The following CCT4 variants were observed in gnomAD, a reference collection of about 807,000 sequenced individuals.
The protein encoded by CCT4 is T-complex protein 1 subunit delta.
Under a neutral mutation model 62.5 loss-of-function variants are expected in CCT4, and 17 were observed. The ratio of observed to expected loss-of-function variants is 0.27; its 90% CI spans 0.19 to 0.41. The LOEUF is 0.41. Among genes scored for constraint, CCT4 ranks in the 10% least tolerant of loss-of-function variants. The pLI, the probability that CCT4 is intolerant of heterozygous loss-of-function variation, is 1.00. For missense variants in CCT4, 592 were observed against 659.2 expected (o/e 0.90, Z 1.12); for synonymous variants, 250 against 229.9 (o/e 1.09, Z -0.79).
At chr2:61,877,838 G>C (rs575464121) in intron 5 of CCT4, among the ~76,000 whole-genome samples, 10 of 152,290 alleles carry the variant, frequency 6.6e-5, no homozygotes, top group African/African-American at 9.6e-5. Flanking sequence ...ATGAATGTGT[G>C]ATGAGGCATC....
rs370269086 is a variant in CCT4 at position 61,869,768 on chromosome 2, T to C, written c.1492-215A>G. 5.3e-5 allele frequency among the ~76,000 whole-genome samples: 8 copies of C among 151,832 alleles called. No individual in the cohort carries two copies. The South Asian group carries it at 1.7e-3, about 32-fold the overall frequency. On this transcript the variant is annotated intron_variant, in intron 12 of 13. Coordinates refer to ENST00000394440, the MANE Select transcript of CCT4 (RefSeq NM_006430.4). Reference sequence around the variant, plus strand: ...AATTAATGCTGTAGTCACCCAATCCTAACTACAGGCGCCCACCACCATGCC... The same window carrying C: ...AATTAATGCTGTAGTCACCCAATCCCAACTACAGGCGCCCACCACCATGCC...
intron 1 of CCT4, among the ~76,000 whole-genome samples, chr2:61,885,391 T>C (rs969115508): frequency 6.6e-5 from 10 of 152,170 alleles, no homozygotes; most frequent in Admixed American, 3.3e-4. Flanking sequence ...GCTTCACTTC[T>C]GTTAGTCAAC....
At chr2:61,882,571 A>C (rs1326345036) in intron 3 of CCT4, among the ~76,000 whole-genome samples, 1 of 151,486 alleles carries the variant, frequency 6.6e-6, no homozygotes, top group Non-Finnish European at 1.5e-5. Flanking sequence ...GCTGGAGTGC[A>C]GTGGCGCAAT....
chr2:61,884,641 T>C (rs1023541710), intron 2 of CCT4, among the ~76,000 whole-genome samples: 17 of 151,822 alleles, frequency 1.1e-4, no homozygotes, highest in Admixed American at 8.5e-4. Context: ...ATTTATTTTT[T>C]TTTTGAGATA....
At chr2:61,881,291 T>C (rs968198647) in intron 3 of CCT4, among the ~76,000 whole-genome samples, 2 of 152,102 alleles carry the variant, frequency 1.3e-5, no homozygotes, top group African/African-American at 4.8e-5. Context: ...CAATATTATA[T>C]ATAGAGACTT....
chr2:61,877,172 A>G, intron 6 of CCT4, 120 bp from the exon 7 acceptor site: 1 of 981,874 alleles, frequency 1.0e-6, no homozygotes, highest in Non-Finnish European at 1.5e-6. Context: ...CACATTTATT[A>G]TTGCCCCACT....
At chr2:61,880,235 G>A in intron 4 of CCT4, 51 bp downstream of exon 4, 1 of 815,520 alleles carries the variant, frequency 1.2e-6, no homozygotes, top group Non-Finnish European at 1.7e-6. Context: ...TTTTCCTAAA[G>A]TTTGTTTTTT....
chr2:61,870,292 C>T (rs1668856705), intron 12 of CCT4, among the ~76,000 whole-genome samples: 1 of 151,990 alleles, frequency 6.6e-6, no homozygotes, highest in Non-Finnish European at 1.5e-5. Context: ...CAAAACAAAA[C>T]AAAATATTAT....
chr2:61,876,064 TA>T (rs764902757), intron 8 of CCT4, 30 bp downstream of exon 8: 2 of 1,467,892 alleles, frequency 1.4e-6, no homozygotes, highest in Non-Finnish European at 1.9e-6. Flanking sequence ...AAATTATCAT[TA>T]AGGGATGAAC....
chr2:61,886,274 G>C (rs535726671), intron 1 of CCT4, among the ~76,000 whole-genome samples: 1 of 152,052 alleles, frequency 6.6e-6, no homozygotes, highest in Non-Finnish European at 1.5e-5. Context: ...CGGGTGTGGC[G>C]GTGCGCATCT....
chr2:61,880,613 T>C (rs1669091917), intron 3 of CCT4, among the ~76,000 whole-genome samples: 1 of 152,224 alleles, frequency 6.6e-6, no homozygotes, highest in Admixed American at 6.5e-5. Flanking sequence ...CCTGCCCTGC[T>C]ACTCAAAAGT....
At chr2:61,882,234 G>A (rs1298858448) in intron 3 of CCT4, among the ~76,000 whole-genome samples, 1 of 152,076 alleles carries the variant, frequency 6.6e-6, no homozygotes, top group Admixed American at 6.6e-5. Flanking sequence ...CGACCAGACT[G>A]ATAGAAATTT....
intron 1 of CCT4, 139 bp downstream of exon 1, chr2:61,888,242 C>T (rs537616692): frequency 1.9e-6 from 2 of 1,026,826 alleles, no homozygotes; most frequent in South Asian, 1.8e-5. Context: ...ATAAGGATCC[C>T]TCCACTGGGC....
chr2:61,878,287 A>C (rs769956798), intron 5 of CCT4, among the ~76,000 whole-genome samples: 45 of 152,338 alleles, frequency 3.0e-4, no homozygotes, highest in Non-Finnish European at 5.9e-4. Flanking sequence ...TAAAAGCACA[A>C]CACCGCTTTA....
At position 61,869,524 on chromosome 2, in the gene CCT4, C is replaced by T. The variant is rs371228539; in HGVS notation, c.1521G>A (p.Leu507=). 7 of 1,610,630 alleles carry T rather than the reference C, an allele frequency of 4.3e-6. No individual in the cohort carries two copies. Among genetic ancestry groups the T allele is most frequent in the Non-Finnish European group, 5.9e-6 (7 of 1,176,966 alleles). ...KGGISNILEE[L]VVQPLLVSVS... is the part of the protein sequence containing the mutation. ...CTGATACCAACAGAGGCTGGACAAC[C>T]AGTTCCTCCAAAATGTTGGAAATAC... is the stretch of plus-strand genomic sequence containing the variant. Residue 507 remains leucine (L), a synonymous_variant, in exon 13 of 14, where the codon CTG becomes CTA. Transcript: ENST00000394440.
At chr2:61,875,035 G>C (rs1182010363) in intron 8 of CCT4, among the ~76,000 whole-genome samples, 2 of 151,952 alleles carry the variant, frequency 1.3e-5, no homozygotes, top group Non-Finnish European at 2.9e-5. Context: ...CCAACTACTC[G>C]GGAGGCTGAG....
At chr2:61,872,388 A>C in intron 11 of CCT4, 70 bp downstream of exon 11, 3 of 1,431,204 alleles carry the variant, frequency 2.1e-6, no homozygotes, top group Non-Finnish European at 2.8e-6. Context: ...TGCTATTTAT[A>C]TCTTTAAAAA....
chr2:61,881,950 TGA>T (rs1339282347), intron 3 of CCT4, among the ~76,000 whole-genome samples: 2 of 147,936 alleles, frequency 1.4e-5, no homozygotes, highest in Non-Finnish European at 3.0e-5. Flanking sequence ...TTTTTTTTTT[TGA>T]GACGGAGTCT....
intron 8 of CCT4, among the ~76,000 whole-genome samples, chr2:61,874,289 T>C (rs1668950771): frequency 6.6e-6 from 1 of 152,160 alleles, no homozygotes; most frequent in Non-Finnish European, 1.5e-5. Context: ...CAGTACATTC[T>C]GGCACATTAA....
Sources: gnomAD v4.1 joint callset for allele counts (sites outside exome capture counted in the v4.1 genomes callset) on GRCh38, gnomAD v4.1.1 for gene constraint, MANE v1.5 for transcripts, NCBI Gene and HGNC (gene_info 2026-07-23, HGNC 2026-07-21) for gene names.